Variants in ULK4 observed in about 807,000 individuals in gnomAD.
ULK4 encodes the protein unc-51 like kinase 4.
Under a neutral mutation model 160.6 loss-of-function variants are expected in ULK4, and 133 were observed. That is an observed-to-expected ratio of 0.83 (90% CI 0.72 to 0.96). The LOEUF is 0.96. ULK4 is among the 40% of genes least tolerant of loss of function. ULK4 has a pLI of 0.00. For missense variants in ULK4, 1,580 were observed against 1,499.5 expected (o/e 1.05, Z -0.89); for synonymous variants, 534 against 539.8 (o/e 0.99, Z 0.15).
intron 35 of ULK4, among the ~76,000 whole-genome samples, chr3:41,257,567 A>T (rs1439970952): frequency 5.3e-5 from 8 of 151,928 alleles, no homozygotes; most frequent in Admixed American, 4.6e-4. Flanking sequence ...TGGGAGGTCA[A>T]GGCTTCAGTG....
intron 2 of ULK4, among the ~76,000 whole-genome samples, chr3:41,941,354 A>AAAC (rs1272130515): frequency 6.0e-5 from 9 of 151,046 alleles, no homozygotes; most frequent in South Asian, 2.1e-4. Flanking sequence ...AAAAAAAAAA[A>AAAC]ACCTTTTTTT....
At chr3:41,537,269 T>A (rs977702518) in intron 32 of ULK4, among the ~76,000 whole-genome samples, 2 of 36,590 alleles carry the variant, frequency 5.5e-5, no homozygotes, top group Non-Finnish European at 1.3e-4. Flanking sequence ...AGTTATGCAC[T>A]CTGGACATAG....
chr3:41,818,546 T>C (rs952596000), intron 19 of ULK4, among the ~76,000 whole-genome samples: 1 of 152,212 alleles, frequency 6.6e-6, no homozygotes, highest in East Asian at 1.9e-4. Flanking sequence ...ATTGATAATA[T>C]ACATCATATC....
intron 35 of ULK4, among the ~76,000 whole-genome samples, chr3:41,317,429 T>C (rs77640803): frequency 0.022 from 3,360 of 152,258 alleles, 87 homozygotes; most frequent in African/African-American, 0.069. Flanking sequence ...TTTTGAAACA[T>C]TGTCATTTTA....
chr3:41,840,924 G>A (rs540167047), intron 17 of ULK4, among the ~76,000 whole-genome samples: 5 of 151,080 alleles, frequency 3.3e-5, no homozygotes, highest in South Asian at 2.1e-4. Context: ...TGTCTGGGAT[G>A]TGAGGAGCGC....
chr3:41,650,110 C>T (rs536476506), intron 30 of ULK4, among the ~76,000 whole-genome samples: 67 of 152,196 alleles, frequency 4.4e-4, no homozygotes, highest in Non-Finnish European at 7.2e-4. Context: ...CTCACTGGGA[C>T]AACCTGCCTG....
At chr3:41,671,907 A>G (rs886124233) in intron 29 of ULK4, among the ~76,000 whole-genome samples, 4 of 152,174 alleles carry the variant, frequency 2.6e-5, no homozygotes, top group African/African-American at 4.8e-5. Flanking sequence ...AATCCCATTT[A>G]AAAGTGGGCA....
intron 31 of ULK4, among the ~76,000 whole-genome samples, chr3:41,589,208 T>C (rs1376967423): frequency 6.6e-6 from 1 of 151,890 alleles, no homozygotes; most frequent in Admixed American, 6.6e-5. Context: ...GGTGTTCTAC[T>C]ATGAGGCAGT....
intron 31 of ULK4, among the ~76,000 whole-genome samples, chr3:41,593,711 A>T (rs2031504731): frequency 6.6e-6 from 1 of 152,062 alleles, no homozygotes; most frequent in Non-Finnish European, 1.5e-5. Context: ...TACAATGATG[A>T]TCTAAATGTA....
At chr3:41,780,359 T>C (rs1397987976) in intron 21 of ULK4, among the ~76,000 whole-genome samples, 2 of 151,250 alleles carry the variant, frequency 1.3e-5, no homozygotes, top group African/African-American at 4.9e-5. Flanking sequence ...ATCTTTTATA[T>C]TAAAATATAA....
intron 30 of ULK4, among the ~76,000 whole-genome samples, chr3:41,620,299 CACAACAAAAACA>C (rs1474015068): frequency 6.6e-6 from 1 of 152,090 alleles, no homozygotes; most frequent in African/African-American, 2.4e-5. Flanking sequence ...CTGGCAGAGA[CACAACAAAAACA>C]ACAACAAAAA....
At chr3:41,822,722 ATT>A (rs1199516780) in intron 18 of ULK4, among the ~76,000 whole-genome samples, 16 of 109,424 alleles carry the variant, frequency 1.5e-4, no homozygotes, top group Admixed American at 5.1e-4. Flanking sequence ...CCGGGCTGAG[ATT>A]TTTTTTTTTT....
chr3:41,321,671 G>A (rs1401353187), intron 35 of ULK4, among the ~76,000 whole-genome samples: 1 of 111,364 alleles, frequency 9.0e-6, no homozygotes. Flanking sequence ...TTCCTGATAG[G>A]AGTCGGGTGA....
chr3:41,642,137 G>C (rs1217788822), intron 30 of ULK4, among the ~76,000 whole-genome samples: 1 of 152,190 alleles, frequency 6.6e-6, no homozygotes, highest in South Asian at 2.1e-4. Flanking sequence ...GTCTCCCAAA[G>C]TGCCAGGATT....
intron 32 of ULK4, among the ~76,000 whole-genome samples, chr3:41,543,805 T>C (rs1408521853): frequency 6.6e-6 from 1 of 152,198 alleles, no homozygotes; most frequent in African/African-American, 2.4e-5. Flanking sequence ...AAATCCATCA[T>C]TGACCCCCTT....
intron 34 of ULK4, among the ~76,000 whole-genome samples, chr3:41,429,703 C>T (rs755061026): frequency 3.3e-5 from 5 of 150,004 alleles, no homozygotes; most frequent in Non-Finnish European, 7.4e-5. Context: ...AACACATGGA[C>T]AATGGGAGAG....
At chr3:41,378,235 G>T (rs1433933312) in intron 35 of ULK4, among the ~76,000 whole-genome samples, 1 of 103,454 alleles carries the variant, frequency 9.7e-6, no homozygotes, top group African/African-American at 3.7e-5. Context: ...GGGGTGGGGG[G>T]AGGGGGGAGG....
At position 41,340,521 on chromosome 3, in the gene ULK4, T is replaced by A. The variant is rs74338322; in HGVS notation, c.3678+57558A>T. ...TGTCTACTCTGGGCCAAAAAGGAAT[T>A]AACTAGATCAGCACTATCTAATATA... On this transcript the variant is annotated intron_variant, in intron 35 of 36. Coordinates refer to ENST00000301831, the MANE Select transcript of ULK4 (RefSeq NM_017886.4). Among the ~76,000 whole-genome samples the A allele has an allele frequency of 3.8e-3, 580 of 152,356 alleles. 3 individuals are homozygous for A. The highest frequency in any genetic ancestry group is 0.013 in the African/African-American group (545 of 41,590).
At chr3:41,604,704 T>A (rs1393583356) in intron 31 of ULK4, among the ~76,000 whole-genome samples, 1 of 152,110 alleles carries the variant, frequency 6.6e-6, no homozygotes, top group African/African-American at 2.4e-5. Flanking sequence ...TTCATGGATG[T>A]TCAGCAAGTT....
Sources: gnomAD v4.1 joint callset for allele counts (sites outside exome capture counted in the v4.1 genomes callset) on GRCh38, gnomAD v4.1.1 for gene constraint, MANE v1.5 for transcripts, NCBI Gene and HGNC (gene_info 2026-07-23, HGNC 2026-07-21) for gene names.